Variants in C1QTNF3 observed in about 807,000 individuals in gnomAD.
C1QTNF3 encodes C1q and TNF related 3.
In C1QTNF3, 26 loss-of-function variants were observed where a neutral mutation model predicts 32.6. The observed-to-expected ratio is 0.80, with a 90% CI of 0.58 to 1.11. The LOEUF is 1.11. Among genes scored for constraint, C1QTNF3 ranks in the 50% least tolerant of loss-of-function variants. The pLI is 0.00. For synonymous variants in C1QTNF3, 155 were observed against 146.0 expected, an observed-to-expected ratio of 1.06 and a Z score of -0.44; for missense variants, 362 against 398.2, an observed-to-expected ratio of 0.91 and a Z score of 0.77.
the C1QTNF3 span, among the ~76,000 whole-genome samples, chr5:34,225,932 A>C: frequency 6.6e-6 from 1 of 151,998 alleles, no homozygotes; most frequent in Non-Finnish European, 1.5e-5. Flanking sequence ...CAAAAAAATA[A>C]AGCTTTTAAT....
chr5:34,155,075 A>C, the C1QTNF3 span, among the ~76,000 whole-genome samples: 1 of 152,330 alleles, frequency 6.6e-6, no homozygotes, highest in East Asian at 1.9e-4. Context: ...GAATAATTAA[A>C]ATGGCTTGTG....
At chr5:34,213,028 C>T in the C1QTNF3 span, among the ~76,000 whole-genome samples, 9 of 152,138 alleles carry the variant, frequency 5.9e-5, no homozygotes, top group Admixed American at 2.0e-4. Flanking sequence ...CTCTTCCCCA[C>T]GAAAAAGAGA....
chr5:34,110,626 T>C, the C1QTNF3 span, among the ~76,000 whole-genome samples: 12 of 152,230 alleles, frequency 7.9e-5, no homozygotes, highest in Non-Finnish European at 1.6e-4. Flanking sequence ...GCAATAAAAT[T>C]TTGCAGGACA....
the C1QTNF3 span, among the ~76,000 whole-genome samples, chr5:34,114,034 C>A: frequency 6.6e-6 from 1 of 152,158 alleles, no homozygotes; most frequent in African/African-American, 2.4e-5. Context: ...AAATCTCACA[C>A]ATTTTTTTTC....
the C1QTNF3 span, among the ~76,000 whole-genome samples, chr5:34,134,183 C>T: frequency 6.6e-6 from 1 of 152,050 alleles, no homozygotes; most frequent in South Asian, 2.1e-4. Context: ...AGTATCAACA[C>T]TAGAGAGTTA....
At chr5:34,114,710 T>C in the C1QTNF3 span, among the ~76,000 whole-genome samples, 2 of 152,312 alleles carry the variant, frequency 1.3e-5, no homozygotes, top group Admixed American at 6.5e-5. Context: ...TTTTAATATG[T>C]ACACTTGACT....
the C1QTNF3 span, among the ~76,000 whole-genome samples, chr5:34,157,758 A>C: frequency 3.3e-5 from 5 of 152,306 alleles, no homozygotes; most frequent in African/African-American, 1.2e-4. Context: ...TATTTCTTCT[A>C]GCCTCTAAAG....
chr5:34,221,379 G>A, the C1QTNF3 span, among the ~76,000 whole-genome samples: 1 of 151,992 alleles, frequency 6.6e-6, no homozygotes, highest in Admixed American at 6.6e-5. Flanking sequence ...TAATTTTATT[G>A]TGTATCTCAA....
At chr5:34,100,107 T>C in the C1QTNF3 span, among the ~76,000 whole-genome samples, 1 of 151,806 alleles carries the variant, frequency 6.6e-6, no homozygotes, top group Non-Finnish European at 1.5e-5. Context: ...AGGTTCAGTG[T>C]CTGGTGAGGG....
the C1QTNF3 span, among the ~76,000 whole-genome samples, chr5:34,159,012 AAAT>A: frequency 2.0e-5 from 3 of 152,234 alleles, no homozygotes; most frequent in South Asian, 2.1e-4. Context: ...CATAGTGTAT[AAAT>A]AATAATTTTA....
At chr5:34,171,099 T>A in the C1QTNF3 span, among the ~76,000 whole-genome samples, 198 of 152,178 alleles carry the variant, frequency 1.3e-3, no homozygotes, top group African/African-American at 4.5e-3. Flanking sequence ...TCTGCCAACC[T>A]TATTCTCAAA....
the C1QTNF3 span, among the ~76,000 whole-genome samples, chr5:34,163,118 C>T: frequency 7.9e-5 from 12 of 152,190 alleles, no homozygotes; most frequent in Admixed American, 5.9e-4. Flanking sequence ...TGTGTCTTAC[C>T]TTTAAAGACA....
At chr5:34,133,594 A>T in the C1QTNF3 span, among the ~76,000 whole-genome samples, 1 of 152,204 alleles carries the variant, frequency 6.6e-6, no homozygotes, top group Non-Finnish European at 1.5e-5. Flanking sequence ...TGTCTGAGAG[A>T]TTTAGTGTCT....
chr5:34,021,681 G>A (rs970340445), intron 5 of C1QTNF3, among the ~76,000 whole-genome samples: 1 of 152,162 alleles, frequency 6.6e-6, no homozygotes, highest in South Asian at 2.1e-4. Flanking sequence ...ACCAAACACC[G>A]CATATTCTCA....
chr5:34,218,681 C>G, the C1QTNF3 span, among the ~76,000 whole-genome samples: 1 of 152,074 alleles, frequency 6.6e-6, no homozygotes. Flanking sequence ...ACAGTTTACT[C>G]TTGTTTATGC....
the C1QTNF3 span, among the ~76,000 whole-genome samples, chr5:34,077,125 C>T: frequency 6.6e-5 from 10 of 151,672 alleles, no homozygotes; most frequent in South Asian, 2.1e-4. Flanking sequence ...TTCCCTATTA[C>T]TATTGTAACA....
chr5:34,046,338 T>C (rs185424011), upstream of C1QTNF3, among the ~76,000 whole-genome samples: 1 of 152,314 alleles, frequency 6.6e-6, no homozygotes, highest in East Asian at 1.9e-4. Flanking sequence ...TGCCTCAGTT[T>C]ACTTTTGAAT....
the C1QTNF3 span, among the ~76,000 whole-genome samples, chr5:34,201,759 AG>A: frequency 6.6e-6 from 1 of 152,214 alleles, no homozygotes; most frequent in Admixed American, 6.5e-5. Flanking sequence ...GGTTTTAATA[AG>A]GAAATAAAAA....
the C1QTNF3 span, among the ~76,000 whole-genome samples, chr5:34,116,276 T>A: frequency 6.6e-6 from 1 of 152,244 alleles, no homozygotes; most frequent in Non-Finnish European, 1.5e-5. Context: ...TTTAAAAATG[T>A]TCCACGTGCA....
Sources: allele counts gnomAD v4.1 joint callset (sites outside exome capture counted in the v4.1 genomes callset), GRCh38; gene constraint gnomAD v4.1.1; transcripts MANE v1.5; gene names NCBI Gene and HGNC (gene_info 2026-07-23, HGNC 2026-07-21).